The following CCSER1 variants were observed in gnomAD, a reference collection of about 807,000 sequenced individuals.
The protein encoded by CCSER1 is coiled-coil serine rich protein 1.
CCSER1 carries 41 observed loss-of-function variants against 82.0 expected under a neutral mutation model. The observed-to-expected ratio is 0.50, with a 90% CI of 0.39 to 0.65. CCSER1 has a LOEUF of 0.65. CCSER1 is among the 30% of genes least tolerant of loss of function. The pLI, the probability that CCSER1 is intolerant of heterozygous loss-of-function variation, is 0.00. For missense variants in CCSER1, 1,119 were observed against 1,064.2 expected (o/e 1.05, Z -0.72); for synonymous variants, 414 against 383.9 (o/e 1.08, Z -0.92).
Position 91,120,065 on chromosome 4 carries a change from T to A in CCSER1, c.2217+34071T>A, listed in dbSNP as rs191553141. On this transcript the variant is annotated intron_variant, in intron 10 of 10. Transcript: ENST00000509176. ...ATAGTTTGATTTTAATATAGAGCTA[T>A]TAAGCCATAGAGAGTGGGGTATGGA... 4.1e-3 allele frequency among the ~76,000 whole-genome samples: 627 copies of A among 152,150 alleles called. 4 individuals are homozygous for A. The highest frequency in any genetic ancestry group is 0.014 in the African/African-American group (589 of 41,562).
chr4:90,983,447 C>A (rs1278463718), intron 9 of CCSER1, among the ~76,000 whole-genome samples: 1 of 151,608 alleles, frequency 6.6e-6, no homozygotes, highest in African/African-American at 2.4e-5. Flanking sequence ...ACCTCCAGGG[C>A]ATCTTCAGTC....
intron 10 of CCSER1, among the ~76,000 whole-genome samples, chr4:91,167,536 A>G (rs903785068): frequency 3.3e-5 from 5 of 152,202 alleles, no homozygotes; most frequent in Non-Finnish European, 7.3e-5. Context: ...GTGTTATTAA[A>G]CACAAAGCAA....
intron 6 of CCSER1, among the ~76,000 whole-genome samples, chr4:90,637,762 G>A (rs1048147754): frequency 2.0e-5 from 3 of 152,064 alleles, no homozygotes; most frequent in African/African-American, 4.8e-5. Flanking sequence ...CTTGCTCTTT[G>A]TTCTGCCCTC....
chr4:90,172,167 C>T (rs1034954799), intron 1 of CCSER1, among the ~76,000 whole-genome samples: 3 of 151,950 alleles, frequency 2.0e-5, no homozygotes, highest in South Asian at 2.1e-4. Context: ...TGAACACTTA[C>T]GTGATGATGA....
At chr4:90,525,095 C>A (rs1413856122) in intron 5 of CCSER1, among the ~76,000 whole-genome samples, 1 of 151,656 alleles carries the variant, frequency 6.6e-6, no homozygotes. Flanking sequence ...GAAGCTAATA[C>A]AAGATAGAAT....
At position 90,139,072 on chromosome 4, in the gene CCSER1, A is replaced by G. The variant is rs145181025; in HGVS notation, c.-42+11241A>G. On this transcript the variant is annotated intron_variant, in intron 1 of 10. Transcript: ENST00000509176. ...TGTTTGTCTGTTTCTTCTAGTAGCC[A>G]TGTTAGTGACATCCTAGCTTGCTAC... Among the ~76,000 whole-genome samples the G allele has an allele frequency of 1.7e-3, 257 of 152,246 alleles. 2 individuals are homozygous for G. In the Middle Eastern group the frequency reaches 0.024, roughly 14 times the overall value.
chr4:91,183,198 C>T (rs990809730), intron 10 of CCSER1, among the ~76,000 whole-genome samples: 2 of 152,174 alleles, frequency 1.3e-5, no homozygotes, highest in African/African-American at 4.8e-5. Context: ...TGAGCATTTT[C>T]AATTAACTGT....
intron 10 of CCSER1, among the ~76,000 whole-genome samples, chr4:91,504,650 A>C (rs1351377987): frequency 6.6e-6 from 1 of 152,168 alleles, no homozygotes; most frequent in Admixed American, 6.5e-5. Context: ...CAAAACTATC[A>C]TAATTTTTAA....
chr4:90,988,332 C>G (rs1172974294), intron 9 of CCSER1, among the ~76,000 whole-genome samples: 1 of 49,540 alleles, frequency 2.0e-5, no homozygotes, highest in Admixed American at 3.0e-4. Context: ...GATATCTTGT[C>G]TCAAAAAAAA....
At chr4:91,209,981 A>G (rs1197102761) in intron 10 of CCSER1, among the ~76,000 whole-genome samples, 1 of 151,748 alleles carries the variant, frequency 6.6e-6, no homozygotes, top group African/African-American at 2.4e-5. Flanking sequence ...TCTATTCTCT[A>G]CTAAAATAAA....
At chr4:90,350,068 G>A (rs1428733202) in intron 3 of CCSER1, among the ~76,000 whole-genome samples, 2 of 151,958 alleles carry the variant, frequency 1.3e-5, no homozygotes, top group Non-Finnish European at 2.9e-5. Flanking sequence ...TCAGATTCAG[G>A]GCCTGGCACA....
At chr4:90,313,558 AT>A (rs1015440274) in intron 3 of CCSER1, among the ~76,000 whole-genome samples, 1 of 152,128 alleles carries the variant, frequency 6.6e-6, no homozygotes, top group African/African-American at 2.4e-5. Context: ...GCTTGCATAC[AT>A]TGGAGGTAAT....
intron 5 of CCSER1, among the ~76,000 whole-genome samples, chr4:90,590,730 A>C (rs1782590680): frequency 6.6e-6 from 1 of 152,126 alleles, no homozygotes; most frequent in Admixed American, 6.5e-5. Context: ...GTCGCGTAGC[A>C]TGATGCCTCC....
intron 10 of CCSER1, among the ~76,000 whole-genome samples, chr4:91,255,507 C>T (rs72877020): frequency 0.01 from 1,592 of 152,216 alleles, 16 homozygotes; most frequent in African/African-American, 0.036. Flanking sequence ...TGGGCAGACT[C>T]ACAAAAACTG....
intron 5 of CCSER1, among the ~76,000 whole-genome samples, chr4:90,494,552 GT>G (rs1373892634): frequency 6.6e-6 from 1 of 152,110 alleles, no homozygotes; most frequent in Non-Finnish European, 1.5e-5. Context: ...TCTCATGAGA[GT>G]TTGGTCACCT....
intron 1 of CCSER1, among the ~76,000 whole-genome samples, chr4:90,284,598 A>G (rs1729521188): frequency 6.6e-6 from 1 of 151,108 alleles, no homozygotes; most frequent in Non-Finnish European, 1.5e-5. Flanking sequence ...GGCTTAAGCC[A>G]TCCTCCCATC....
intron 1 of CCSER1, among the ~76,000 whole-genome samples, chr4:90,231,461 G>T (rs867752909): frequency 1.3e-5 from 2 of 149,272 alleles, no homozygotes; most frequent in African/African-American, 5.0e-5. Flanking sequence ...AGGTATTGAT[G>T]GGACGTATCT....
intron 5 of CCSER1, among the ~76,000 whole-genome samples, chr4:90,607,565 A>T (rs1289317130): frequency 6.6e-6 from 1 of 152,032 alleles, no homozygotes; most frequent in African/African-American, 2.4e-5. Context: ...TTTCCGCCTT[A>T]ATTTTCACAT....
At chr4:90,484,621 G>T (rs895083234) in intron 5 of CCSER1, among the ~76,000 whole-genome samples, 3 of 152,162 alleles carry the variant, frequency 2.0e-5, no homozygotes, top group Admixed American at 2.0e-4. Context: ...GTCTGTTGGA[G>T]TTTACTGGAG....
Sources: gnomAD v4.1 joint callset for allele counts (sites outside exome capture counted in the v4.1 genomes callset) on GRCh38, gnomAD v4.1.1 for gene constraint, MANE v1.5 for transcripts, NCBI Gene and HGNC (gene_info 2026-07-23, HGNC 2026-07-21) for gene names.